The following POLQ variants were observed in gnomAD, a reference collection of about 807,000 sequenced individuals.
POLQ encodes epididymis secretory sperm binding protein.
In POLQ, 233 loss-of-function variants were observed where a neutral mutation model predicts 259.2. The observed-to-expected ratio is 0.90, with a 90% CI of 0.81 to 1.00. POLQ has a LOEUF of 1.00. Among genes scored for constraint, POLQ ranks in the 50% least tolerant of loss-of-function variants. The pLI, the probability that POLQ is intolerant of heterozygous loss-of-function variation, is 0.00. For synonymous variants in POLQ, 1,025 were observed against 1,048.8 expected (o/e 0.98, Z 0.44); for missense variants, 2,871 against 3,051.6 (o/e 0.94, Z 1.39).
intron 25 of POLQ, among the ~76,000 whole-genome samples, chr3:121,452,787 G>C (rs915999014): frequency 6.6e-6 from 1 of 152,184 alleles, no homozygotes; most frequent in African/African-American, 2.4e-5. Flanking sequence ...GCCTGTCTCT[G>C]TAGGCTCCAC....
At chr3:121,439,921 G>T in intron 27 of POLQ, 71 bp downstream of exon 27, 1 of 1,313,722 alleles carries the variant, frequency 7.6e-7, no homozygotes, top group Non-Finnish European at 1.1e-6. Flanking sequence ...GATATTTGTA[G>T]TATTTACTCT....
At chr3:121,476,455 TACACAC>T (rs71678533) in intron 20 of POLQ, 79 bp downstream of exon 20, 49,372 of 676,276 alleles carry the variant, frequency 0.073, 5 homozygotes, top group East Asian at 0.18. Flanking sequence ...TTCAGGTAAA[TACACAC>T]ACACACACAC....
chr3:121,498,429 C>A, intron 13 of POLQ, 48 bp downstream of exon 13: 1 of 1,387,484 alleles, frequency 7.2e-7, no homozygotes. Flanking sequence ...CTACTACATG[C>A]AAGACACTGT....
chr3:121,517,059 A>G (rs567921950), intron 9 of POLQ, among the ~76,000 whole-genome samples: 20 of 152,344 alleles, frequency 1.3e-4, no homozygotes, highest in African/African-American at 4.8e-4. Context: ...AACAAGGCAA[A>G]TAAGATCTCA....
chr3:121,448,610 C>T (rs1313102368), intron 26 of POLQ, among the ~76,000 whole-genome samples: 3 of 152,084 alleles, frequency 2.0e-5, no homozygotes. Context: ...CGTGATCTGT[C>T]CACCTCAGCC....
rs376015079 is a variant in POLQ at position 121,436,149 on chromosome 3, C to A, written c.7516G>T (p.Glu2506Ter). 17 of 1,613,812 alleles carry A rather than the reference C, an allele frequency of 1.1e-5. No homozygotes were observed. The highest frequency in any genetic ancestry group is 1.4e-5 in the Non-Finnish European group (17 of 1,179,814). The stretch of plus-strand genomic sequence containing the variant: ...GTTTGGTCACTTTGGAGCATACCCT[C>A]TCGATGACCATGGGATTTGAAGGTT... ...HSTFKSHGHR[E>*]GMLQSDQTGL... is the part of the protein sequence containing the mutation. The change falls in exon 28 of 30, where the codon GAG becomes TAG. Residue 2506 changes from glutamate to a stop codon, truncating the protein, a stop_gained. Transcript: ENST00000264233. LOFTEE classifies it high-confidence loss of function.
At chr3:121,476,885 C>A in intron 19 of POLQ, 152 bp from the exon 20 acceptor site, 1 of 607,706 alleles carries the variant, frequency 1.6e-6, no homozygotes, top group East Asian at 2.8e-5. Context: ...CATCCTCAAG[C>A]CAACAATGAA....
At chr3:121,484,759 G>A (rs1046063302) in intron 17 of POLQ, among the ~76,000 whole-genome samples, 4 of 151,942 alleles carry the variant, frequency 2.6e-5, no homozygotes, top group South Asian at 2.1e-4. Context: ...AAAATTAGCC[G>A]GCGCAGTGGC....
At chr3:121,521,125 T>G (rs1482695955) in intron 8 of POLQ, among the ~76,000 whole-genome samples, 3 of 152,192 alleles carry the variant, frequency 2.0e-5, no homozygotes, top group Non-Finnish European at 4.4e-5. Flanking sequence ...TCTATAGTTT[T>G]AGTTACCCAA....
intron 24 of POLQ, among the ~76,000 whole-genome samples, chr3:121,466,972 T>C (rs1290394872): frequency 1.3e-5 from 2 of 152,208 alleles, no homozygotes; most frequent in Non-Finnish European, 2.9e-5. Context: ...GCAAGTTACA[T>C]CATAACTTCC....
intron 14 of POLQ, among the ~76,000 whole-genome samples, chr3:121,495,515 C>T (rs2048111124): frequency 6.6e-6 from 1 of 152,060 alleles, no homozygotes; most frequent in Admixed American, 6.6e-5. Context: ...CCCCTAGAGG[C>T]AGTCTTTCAT....
chr3:121,437,624 A>C (rs2047554899), intron 27 of POLQ, among the ~76,000 whole-genome samples: 1 of 152,198 alleles, frequency 6.6e-6, no homozygotes, highest in South Asian at 2.1e-4. Flanking sequence ...ATCTCCACAG[A>C]AAACAATTTG....
intron 7 of POLQ, among the ~76,000 whole-genome samples, chr3:121,526,849 CTG>C (rs2048376340): frequency 2.0e-5 from 3 of 147,986 alleles, no homozygotes; most frequent in South Asian, 4.4e-4. Flanking sequence ...TGTATTTCTT[CTG>C]TGTGTGTGCG....
chr3:121,441,044 A>G (rs1004479626), intron 26 of POLQ, among the ~76,000 whole-genome samples: 29 of 152,294 alleles, frequency 1.9e-4, no homozygotes, highest in Admixed American at 1.4e-3. Context: ...TCCAGGATGA[A>G]TCCTTTGCTG....
In POLQ at chr3:121,499,842, C is replaced by CA. The variant is rs1412371280; in HGVS notation, c.1960-1173dup. 2.0e-5 allele frequency among the ~76,000 whole-genome samples: 3 copies of CA among 152,166 alleles called. No homozygotes were observed. The East Asian group carries it at 5.8e-4, about 29-fold the overall frequency. On this transcript the variant is annotated intron_variant, in intron 12 of 29. Transcript: ENST00000264233. ...CAGCTATTGAAATAAGTAAAGACTTCAAAGCAAATATTATAAATATGGTAA... is the reference window on the plus strand; with the variant it reads ...CAGCTATTGAAATAAGTAAAGACTTCAAAAGCAAATATTATAAATATGGTAA...
intron 21 of POLQ, 149 bp from the exon 22 acceptor site, chr3:121,472,313 C>T (rs907272032): frequency 1.6e-5 from 7 of 444,194 alleles, no homozygotes; most frequent in Admixed American, 7.6e-5. Flanking sequence ...TTTAAACCAC[C>T]GTATTGATAA....
intron 19 of POLQ, among the ~76,000 whole-genome samples, chr3:121,479,377 T>TGTGC (rs1183449891): frequency 1.9e-4 from 29 of 151,538 alleles, no homozygotes; most frequent in African/African-American, 6.8e-4. Flanking sequence ...TGTGTGTGTG[T>TGTGC]GTGTGTGTGT....
intron 26 of POLQ, among the ~76,000 whole-genome samples, chr3:121,442,444 C>T (rs2047601391): frequency 6.6e-6 from 1 of 152,184 alleles, no homozygotes; most frequent in Non-Finnish European, 1.5e-5. Context: ...ACCCCCAATA[C>T]CCTTCCCAGC....
At chr3:121,542,979 C>G (rs2048501213) in intron 2 of POLQ, among the ~76,000 whole-genome samples, 1 of 151,424 alleles carries the variant, frequency 6.6e-6, no homozygotes, top group East Asian at 1.9e-4. Flanking sequence ...AAGAGCAAAA[C>G]TCCATCAAAA....
Sources: allele counts gnomAD v4.1 joint callset (sites outside exome capture counted in the v4.1 genomes callset), GRCh38; gene constraint gnomAD v4.1.1; transcripts MANE v1.5; gene names NCBI Gene and HGNC (gene_info 2026-07-23, HGNC 2026-07-21).